The following TEX14 variants were observed in gnomAD, a reference collection of about 807,000 sequenced individuals.
TEX14 encodes testis expressed 14, intercellular bridge forming factor, also known as inactive serine/threonine-protein kinase TEX14.
TEX14 carries 168 observed loss-of-function variants against 178.6 expected under a neutral mutation model. The observed-to-expected ratio is 0.94, with a 90% CI of 0.83 to 1.07. TEX14 has a LOEUF of 1.07. Ranked by LOEUF, TEX14 falls within the 50% of genes least tolerant of loss-of-function variation. The pLI, the probability that TEX14 is intolerant of heterozygous loss-of-function variation, is 0.00. For missense variants in TEX14, 1,730 were observed against 1,753.6 expected (o/e 0.99, Z 0.24); for synonymous variants, 626 against 634.1 (o/e 0.99, Z 0.19).
chr17:58,643,568 GA>G (rs59425651), intron 2 of TEX14, among the ~76,000 whole-genome samples: 95,378 of 149,248 alleles, frequency 0.64, 30,661 homozygotes, highest in African/African-American at 0.71. Flanking sequence ...TCTCAAAAAT[GA>G]AAAAAAAAAG....
At chr17:58,596,343 A>T (rs995625793) in intron 14 of TEX14, among the ~76,000 whole-genome samples, 2 of 152,130 alleles carry the variant, frequency 1.3e-5, no homozygotes, top group Non-Finnish European at 2.9e-5. Context: ...GTGCTGTCAC[A>T]TGATTTCAGC....
intron 30 of TEX14, among the ~76,000 whole-genome samples, chr17:58,559,205 C>T (rs1598336528): frequency 6.6e-6 from 1 of 151,886 alleles, no homozygotes; most frequent in Admixed American, 6.6e-5. Flanking sequence ...CCCCAGACAA[C>T]GTGCAAGATA....
At chr17:58,594,876 T>C (rs2045242823) in intron 14 of TEX14, among the ~76,000 whole-genome samples, 1 of 152,180 alleles carries the variant, frequency 6.6e-6, no homozygotes, top group African/African-American at 2.4e-5. Flanking sequence ...TTAACAAACT[T>C]AGTTAATTAT....
At chr17:58,688,160 G>A (rs1372245275) in intron 1 of TEX14, among the ~76,000 whole-genome samples, 1 of 151,846 alleles carries the variant, frequency 6.6e-6, no homozygotes, top group Admixed American at 6.6e-5. Flanking sequence ...TCCTCTTGTC[G>A]CCCAGGCTGG....
At chr17:58,584,915 T>C (rs1598358344) in intron 18 of TEX14, among the ~76,000 whole-genome samples, 4 of 152,286 alleles carry the variant, frequency 2.6e-5, no homozygotes, top group Non-Finnish European at 5.9e-5. Context: ...CTTTAACTTA[T>C]AAACAACTGT....
intron 1 of TEX14, chr17:58,661,875 A>G: frequency 2.8e-6 from 1 of 353,404 alleles, no homozygotes; most frequent in Non-Finnish European, 5.1e-6. Context: ...GGCTCACAAG[A>G]TTTCTGTGAG....
At chr17:58,588,133 C>A (rs1159884642) in intron 15 of TEX14, 112 bp from the exon 16 acceptor site, 7 of 629,042 alleles carry the variant, frequency 1.1e-5, no homozygotes, top group African/African-American at 1.8e-5. Context: ...GTAGAAGAAA[C>A]CCGCAGTTGA....
At chr17:58,609,787 C>T (rs775010912) in intron 10 of TEX14, among the ~76,000 whole-genome samples, 70 of 152,142 alleles carry the variant, frequency 4.6e-4, no homozygotes, top group Non-Finnish European at 6.8e-4. Flanking sequence ...AGTGCACATA[C>T]GCAAAGGCCT....
At chr17:58,586,617 A>G (rs2044981111) in intron 17 of TEX14, among the ~76,000 whole-genome samples, 1 of 152,216 alleles carries the variant, frequency 6.6e-6, no homozygotes, top group Non-Finnish European at 1.5e-5. Context: ...TAATGCCCAC[A>G]GGATATGAGA....
chr17:58,602,025 C>A lies in TEX14; in HGVS notation c.1528-69G>T. ...CTGAATGTCACTGGTGCTTTAGAAA[C>A]CATCTAAGTATCTGATAAACTCCCT... On this transcript the variant is annotated intron_variant, in intron 12 of 31. Transcript: ENST00000349033. The A allele has an allele frequency of 3.9e-6, 6 of 1,526,300 alleles. No homozygotes were observed. In the Admixed American group the frequency reaches 8.9e-5, roughly 23 times the overall value. The allele number at this position is 1,526,300 out of a possible 1,614,324, so 94.5% of individuals were successfully genotyped here.
intron 2 of TEX14, among the ~76,000 whole-genome samples, chr17:58,638,792 G>A (rs990781238): frequency 7.9e-5 from 12 of 151,534 alleles, no homozygotes; most frequent in African/African-American, 2.9e-4. Context: ...CTCCTGCCCC[G>A]GCCTCCCAAA....
intron 9 of TEX14, 115 bp downstream of exon 9, chr17:58,613,304 TAA>T: frequency 7.7e-7 from 1 of 1,298,918 alleles, no homozygotes; most frequent in Non-Finnish European, 1.1e-6. Context: ...AGCAAAAGAA[TAA>T]AGATATTTAT....
intron 2 of TEX14, among the ~76,000 whole-genome samples, chr17:58,631,410 G>T (rs2046284832): frequency 6.6e-6 from 1 of 152,110 alleles, no homozygotes; most frequent in Admixed American, 6.6e-5. Flanking sequence ...CCGAAATTGT[G>T]CCATTGCACT....
intron 2 of TEX14, among the ~76,000 whole-genome samples, chr17:58,632,806 A>T (rs570366248): frequency 6.6e-6 from 1 of 152,254 alleles, no homozygotes; most frequent in Admixed American, 6.5e-5. Context: ...TATAAGGGGG[A>T]TAATGAAACT....
At chr17:58,678,133 G>A (rs947945066) in intron 1 of TEX14, among the ~76,000 whole-genome samples, 3 of 152,256 alleles carry the variant, frequency 2.0e-5, no homozygotes, top group South Asian at 4.1e-4. Context: ...CTGGGCGACA[G>A]AGCGAGACTC....
At chr17:58,603,321 G>A (rs540390973) in intron 11 of TEX14, among the ~76,000 whole-genome samples, 15 of 152,052 alleles carry the variant, frequency 9.9e-5, no homozygotes, top group African/African-American at 3.4e-4. Context: ...TTGGGAGGCC[G>A]AGGTGGGTGG....
At position 58,598,916 on chromosome 17, in the gene TEX14, G is replaced by C. The variant is rs757449797; in HGVS notation, c.2429C>G (p.Thr810Ser). The part of the protein sequence containing the change: ...LQLSGGQKPD[T>S]SGNYPTLPRF... The stretch of plus-strand genomic sequence containing the variant: ...TGGTAGGGTTGGGTAGTTGCCACTG[G>C]TGTCTGGCTTCTGACCCCCTGAAAG... The change falls in exon 14 of 32, where the codon ACC becomes AGC. Residue 810 changes from threonine (T) to serine (S), a missense_variant. By Grantham distance (58) the Thr-to-Ser change is moderately conservative. Transcript: ENST00000349033. 1.9e-6 allele frequency: 3 copies of C among 1,613,522 alleles called. No homozygotes were observed. Among genetic ancestry groups the C allele is most frequent in the African/African-American group, 2.7e-5 (2 of 74,852 alleles).
chr17:58,666,362 G>A (rs965626231), intron 1 of TEX14, among the ~76,000 whole-genome samples: 3 of 143,176 alleles, frequency 2.1e-5, no homozygotes, highest in Non-Finnish European at 4.5e-5. Flanking sequence ...AAATAAATAA[G>A]GCAAAACCTA....
intron 1 of TEX14, among the ~76,000 whole-genome samples, chr17:58,662,890 C>T (rs1357715597): frequency 1.3e-5 from 2 of 151,928 alleles, no homozygotes; most frequent in African/African-American, 2.4e-5. Flanking sequence ...AAGGCTGAGA[C>T]GGGTGGATCA....
Sources: gnomAD v4.1 joint callset for allele counts (sites outside exome capture counted in the v4.1 genomes callset) on GRCh38, gnomAD v4.1.1 for gene constraint, MANE v1.5 for transcripts, NCBI Gene and HGNC (gene_info 2026-07-23, HGNC 2026-07-21) for gene names.